Variants in CYP2C19 observed in about 807,000 individuals in gnomAD.
The protein encoded by CYP2C19 is cytochrome P450 2C19.
A neutral mutation model predicts 40.9 loss-of-function variants in CYP2C19; 59 were observed. The ratio of observed to expected loss-of-function variants is 1.44; its 90% CI spans 1.17 to 1.79. CYP2C19 has a LOEUF of 1.79. Among genes scored for constraint, CYP2C19 ranks in the 40% most tolerant of loss-of-function variants. The probability of loss-of-function intolerance (pLI) is 0.00; values close to 1 mark genes in which losing one functional copy is unlikely to be tolerated. For synonymous variants in CYP2C19, 253 were observed against 208.7 expected (o/e 1.21, Z -1.83); for missense variants, 754 against 596.9 (o/e 1.26, Z -2.74).
Position 94,798,814 on chromosome 10 carries a change from ATTTTTT to A in CYP2C19, c.819+16836_819+16841del, listed in dbSNP as rs61240923. On this transcript the variant is annotated intron_variant, in intron 5 of 8. Coordinates refer to ENST00000371321, the MANE Select transcript of CYP2C19 (RefSeq NM_000769.4). ...TCAAAGGGTAGGATTGCAACCCCTG[ATTTTTT>A]TTTTTTTTTTTTTTTTTTGCTGTCT... 2.0e-3 allele frequency among the ~76,000 whole-genome samples: 133 copies of A among 67,696 alleles called. 1 individual carries two copies. The highest frequency in any genetic ancestry group is 4.8e-3 in the Admixed American group (23 of 4,760). 44.4% of individuals were successfully genotyped at this position (67,696 alleles called of 152,430 possible). A position where few individuals can be genotyped will look rare whatever the true frequency, so the allele number is the denominator to read the frequency against.
At chr10:94,826,753 G>A (rs954843515) in intron 6 of CYP2C19, among the ~76,000 whole-genome samples, 1 of 152,198 alleles carries the variant, frequency 6.6e-6, no homozygotes, top group Non-Finnish European at 1.5e-5. Context: ...CAAAGGGAAT[G>A]CTTCCAGTTT....
At chr10:94,816,688 A>C (rs1266918643) in intron 5 of CYP2C19, among the ~76,000 whole-genome samples, 1 of 146,464 alleles carries the variant, frequency 6.8e-6, no homozygotes, top group Non-Finnish European at 1.5e-5. Flanking sequence ...CTAACTCGTC[A>C]TCTAGCCTTA....
At chr10:94,800,758 C>T (rs552574068) in intron 5 of CYP2C19, among the ~76,000 whole-genome samples, 14 of 152,254 alleles carry the variant, frequency 9.2e-5, no homozygotes, top group East Asian at 1.9e-4. Context: ...GCTGCAGCCG[C>T]GCAAGTTGAT....
At chr10:94,845,407 C>T (rs753116143) in intron 7 of CYP2C19, among the ~76,000 whole-genome samples, 11 of 152,134 alleles carry the variant, frequency 7.2e-5, no homozygotes, top group Non-Finnish European at 1.5e-4. Context: ...TTTTAGCTCA[C>T]ATACTATACA....
chr10:94,810,565 C>T (rs957520079), intron 5 of CYP2C19, among the ~76,000 whole-genome samples: 1 of 152,006 alleles, frequency 6.6e-6, no homozygotes, highest in African/African-American at 2.4e-5. Context: ...AATTTCAGAA[C>T]TTGTTATTGG....
At chr10:94,832,246 T>C (rs1312617565) in intron 6 of CYP2C19, among the ~76,000 whole-genome samples, 4 of 152,164 alleles carry the variant, frequency 2.6e-5, no homozygotes, top group African/African-American at 4.8e-5. Context: ...GGGTAATTTA[T>C]AAAGGGAAGA....
intron 4 of CYP2C19, among the ~76,000 whole-genome samples, chr10:94,781,353 G>C (rs1048446257): frequency 6.6e-6 from 1 of 152,034 alleles, no homozygotes; most frequent in African/African-American, 2.4e-5. Flanking sequence ...AAGTATCTTT[G>C]AGCCCCTCCC....
intron 6 of CYP2C19, among the ~76,000 whole-genome samples, chr10:94,834,305 C>T (rs1316472231): frequency 6.6e-6 from 1 of 152,038 alleles, no homozygotes; most frequent in Non-Finnish European, 1.5e-5. Flanking sequence ...TCATAGTAAC[C>T]ACTAATTATT....
At chr10:94,832,305 TG>T (rs1849346705) in intron 6 of CYP2C19, among the ~76,000 whole-genome samples, 1 of 152,138 alleles carries the variant, frequency 6.6e-6, no homozygotes, top group Non-Finnish European at 1.5e-5. Context: ...CTCAAAATCA[TG>T]GTGGAAGGCA....
intron 6 of CYP2C19, among the ~76,000 whole-genome samples, chr10:94,827,285 C>T (rs1036596696): frequency 2.0e-5 from 3 of 152,064 alleles, no homozygotes; most frequent in Non-Finnish European, 2.9e-5. Context: ...GTGAATCCGT[C>T]TGGTCCTGGA....
intron 6 of CYP2C19, among the ~76,000 whole-genome samples, chr10:94,829,550 C>G (rs376639682): frequency 1.3e-5 from 2 of 152,052 alleles, no homozygotes; most frequent in Non-Finnish European, 1.5e-5. Context: ...CTAGTTATAC[C>G]TTCTTCTAAA....
At chr10:94,803,220 T>TAGA (rs551780074) in intron 5 of CYP2C19, among the ~76,000 whole-genome samples, 6 of 152,308 alleles carry the variant, frequency 3.9e-5, no homozygotes, top group African/African-American at 1.4e-4. Flanking sequence ...TTTCTGCAGA[T>TAGA]AGAATTGTTT....
At chr10:94,772,581 T>A (rs1848349035) in intron 1 of CYP2C19, among the ~76,000 whole-genome samples, 1 of 152,160 alleles carries the variant, frequency 6.6e-6, no homozygotes, top group South Asian at 2.1e-4. Flanking sequence ...GGCCACAGGG[T>A]CAACCAACTT....
At chr10:94,820,354 C>A (rs1021152361) in intron 5 of CYP2C19, 142 bp from the exon 6 acceptor site, 9 of 923,548 alleles carry the variant, frequency 9.7e-6, no homozygotes, top group Admixed American at 2.3e-5. Flanking sequence ...CCTCTCTCAC[C>A]GCTCCTATTC....
At chr10:94,777,548 G>A (rs979282084) in intron 3 of CYP2C19, among the ~76,000 whole-genome samples, 3 of 152,006 alleles carry the variant, frequency 2.0e-5, no homozygotes, top group East Asian at 1.9e-4. Context: ...ACAAGCAATG[G>A]GAAAAAGATT....
At chr10:94,797,149 A>G (rs1333158670) in intron 5 of CYP2C19, among the ~76,000 whole-genome samples, 1 of 152,012 alleles carries the variant, frequency 6.6e-6, no homozygotes, top group Non-Finnish European at 1.5e-5. Flanking sequence ...AGCTCTTATT[A>G]TTTTTAGATA....
chr10:94,767,874 C>A (rs777857278), intron 1 of CYP2C19, among the ~76,000 whole-genome samples: 2 of 152,150 alleles, frequency 1.3e-5, no homozygotes, highest in African/African-American at 2.4e-5. Flanking sequence ...GGGGCTTAAT[C>A]TCTTGGAGGG....
intron 5 of CYP2C19, among the ~76,000 whole-genome samples, chr10:94,788,452 T>C (rs1303846211): frequency 6.6e-6 from 1 of 152,096 alleles, no homozygotes; most frequent in Non-Finnish European, 1.5e-5. Flanking sequence ...AACGTGCAGT[T>C]TTGCTACATA....
At chr10:94,811,981 A>C (rs1848932781) in intron 5 of CYP2C19, among the ~76,000 whole-genome samples, 3 of 152,106 alleles carry the variant, frequency 2.0e-5, no homozygotes, top group Non-Finnish European at 4.4e-5. Flanking sequence ...TGGTCTTTAC[A>C]AAATTTAGTA....
Sources: allele counts gnomAD v4.1 joint callset (sites outside exome capture counted in the v4.1 genomes callset), GRCh38; gene constraint gnomAD v4.1.1; transcripts MANE v1.5; gene names NCBI Gene and HGNC (gene_info 2026-07-23, HGNC 2026-07-21).